Variants in SEMA6D observed in about 807,000 individuals in gnomAD.
SEMA6D encodes semaphorin 6D.
A neutral mutation model predicts 106.6 loss-of-function variants in SEMA6D; 35 were observed. The ratio of observed to expected loss-of-function variants is 0.33; its 90% CI spans 0.25 to 0.44. SEMA6D has a LOEUF of 0.44. Among genes scored for constraint, SEMA6D ranks in the 20% least tolerant of loss-of-function variants. SEMA6D has a pLI of 1.00. For missense variants in SEMA6D, 1,185 were observed against 1,345.9 expected (o/e 0.88, Z 1.87); for synonymous variants, 499 against 487.7 (o/e 1.02, Z -0.31).
At chr15:47,619,292 C>A (rs1471262246) in intron 4 of SEMA6D, among the ~76,000 whole-genome samples, 4 of 152,172 alleles carry the variant, frequency 2.6e-5, no homozygotes, top group African/African-American at 7.2e-5. Context: ...GCATTATATT[C>A]ATCTTCAAAC....
intron 1 of SEMA6D, among the ~76,000 whole-genome samples, chr15:47,283,103 C>T (rs1379175860): frequency 6.6e-6 from 1 of 152,140 alleles, no homozygotes; most frequent in Non-Finnish European, 1.5e-5. Flanking sequence ...AAGCCCTTCA[C>T]AGTGGTTTCC....
intron 1 of SEMA6D, among the ~76,000 whole-genome samples, chr15:47,258,868 T>C (rs759167454): frequency 6.6e-6 from 1 of 152,162 alleles, no homozygotes; most frequent in Non-Finnish European, 1.5e-5. Flanking sequence ...CATTTTATTA[T>C]TTGTTTTCTG....
chr15:47,747,524 T>G (rs1414741563), intron 1 of SEMA6D, among the ~76,000 whole-genome samples: 1 of 152,220 alleles, frequency 6.6e-6, no homozygotes, highest in Admixed American at 6.5e-5. Context: ...TCAGAAAACT[T>G]AAGTCGACAG....
At chr15:47,450,817 C>T (rs375485213) in intron 2 of SEMA6D, among the ~76,000 whole-genome samples, 79 of 152,106 alleles carry the variant, frequency 5.2e-4, no homozygotes, top group African/African-American at 1.8e-3. Context: ...TCTTGGCATT[C>T]AGCCATTGTT....
At chr15:47,334,596 GT>G (rs1294339124) in intron 1 of SEMA6D, among the ~76,000 whole-genome samples, 1 of 152,164 alleles carries the variant, frequency 6.6e-6, no homozygotes, top group Non-Finnish European at 1.5e-5. Context: ...TTATTTTGTT[GT>G]GAGAACACAG....
intron 4 of SEMA6D, among the ~76,000 whole-genome samples, chr15:47,638,595 A>C (rs1469230742): frequency 1.3e-5 from 2 of 152,352 alleles, no homozygotes; most frequent in Non-Finnish European, 2.9e-5. Context: ...AACATCTGTT[A>C]GCTTGTTATT....
chr15:47,553,307 A>G (rs1458759216), intron 3 of SEMA6D, among the ~76,000 whole-genome samples: 1 of 152,058 alleles, frequency 6.6e-6, no homozygotes, highest in East Asian at 1.9e-4. Context: ...TGGAGCTCTA[A>G]AGAACATAAA....
chr15:47,423,884 G>A (rs1038543613), intron 2 of SEMA6D, among the ~76,000 whole-genome samples: 6 of 151,980 alleles, frequency 3.9e-5, no homozygotes, highest in African/African-American at 1.4e-4. Context: ...CTTGCTCAAA[G>A]TACTAAATAA....
Position 47,544,537 on chromosome 15 carries a change from G to A in SEMA6D, c.-86-56328G>A, listed in dbSNP as rs187757488. Among the ~76,000 whole-genome samples, 4 of 152,180 alleles carry A rather than the reference G, an allele frequency of 2.6e-5. No homozygotes were observed. In the East Asian group the frequency reaches 5.8e-4, roughly 22 times the overall value. Reference sequence around the variant, plus strand: ...TATTTTAAAATATGGAAGTATTAGTGCATCAGGCCACTGTAACCCATTAAC... The same window carrying A: ...TATTTTAAAATATGGAAGTATTAGTACATCAGGCCACTGTAACCCATTAAC... On this transcript the variant is annotated intron_variant, in intron 3 of 19. Coordinates refer to the SEMA6D transcript ENST00000558014.
In SEMA6D at chr15:47,405,105, G is replaced by C. The variant is rs540275578; in HGVS notation, c.-238-7288G>C. Among the ~76,000 whole-genome samples the C allele has an allele frequency of 1.5e-4, 23 of 152,202 alleles. No homozygotes were observed. The South Asian group carries it at 4.8e-3, about 32-fold the overall frequency. On this transcript the variant is annotated intron_variant, in intron 1 of 19. Transcript: ENST00000558014. ...TGCAAAGGCAGGGCATATTGGAAGTGTTTCAGGAGATGCGCCATGTAGCAA... is the reference window on the plus strand; with the variant it reads ...TGCAAAGGCAGGGCATATTGGAAGTCTTTCAGGAGATGCGCCATGTAGCAA...
intron 1 of SEMA6D, among the ~76,000 whole-genome samples, chr15:47,268,404 T>C (rs193192057): frequency 2.0e-5 from 3 of 152,258 alleles, no homozygotes; most frequent in African/African-American, 7.2e-5. Flanking sequence ...TCTACCCTCC[T>C]TTGTGCACAC....
intron 1 of SEMA6D, among the ~76,000 whole-genome samples, chr15:47,205,119 T>A (rs936344732): frequency 6.6e-6 from 1 of 152,172 alleles, no homozygotes; most frequent in African/African-American, 2.4e-5. Context: ...CTGAAAAGAA[T>A]CTGAGTTGCA....
rs116925684 is a variant in SEMA6D at position 47,724,209 on chromosome 15, A to T, written c.-55+6517A>T. 1.5e-3 allele frequency among the ~76,000 whole-genome samples: 223 copies of T among 152,378 alleles called. 1 individual carries two copies. Among genetic ancestry groups the T allele is most frequent in the Middle Eastern group, 0.01 (3 of 294 alleles). ...CTACAGAGGGAGAAGAGGAGGCAGA[A>T]GAAGGAATAAAGAATGTTGCAGTTG... is the stretch of plus-strand genomic sequence containing the variant. On this transcript the variant is annotated intron_variant, in intron 1 of 18. Transcript: ENST00000536845.
intron 4 of SEMA6D, among the ~76,000 whole-genome samples, chr15:47,657,809 C>T (rs1387742582): frequency 2.3e-5 from 3 of 128,872 alleles, no homozygotes; most frequent in Middle Eastern, 4.9e-3. Context: ...TGGCAGATCT[C>T]GGCTCACTGC....
intron 1 of SEMA6D, among the ~76,000 whole-genome samples, chr15:47,210,644 A>T (rs542386567): frequency 4.6e-4 from 70 of 151,878 alleles, no homozygotes; most frequent in African/African-American, 1.6e-3. Context: ...ACATGCCTAT[A>T]GTCCCAGCTA....
At chr15:47,760,042 G>C in intron 2 of SEMA6D, 135 bp downstream of exon 2, 1 of 733,298 alleles carries the variant, frequency 1.4e-6, no homozygotes, top group Non-Finnish European at 2.3e-6. Context: ...GAGTTTATCA[G>C]TAATCATTTC....
intron 4 of SEMA6D, among the ~76,000 whole-genome samples, chr15:47,629,008 G>A (rs2077249522): frequency 6.6e-6 from 1 of 151,962 alleles, no homozygotes. Flanking sequence ...TTCCTCCATT[G>A]AGGGAGCACC....
At chr15:47,326,959 G>A (rs147338402) in intron 1 of SEMA6D, among the ~76,000 whole-genome samples, 2 of 152,302 alleles carry the variant, frequency 1.3e-5, no homozygotes, top group African/African-American at 4.8e-5. Context: ...CTAGGAGACT[G>A]TCCTCATTAG....
intron 1 of SEMA6D, among the ~76,000 whole-genome samples, chr15:47,356,303 C>T (rs2038563754): frequency 6.6e-6 from 1 of 152,164 alleles, no homozygotes; most frequent in African/African-American, 2.4e-5. Context: ...ATGAGTAAGA[C>T]AAGAGCTCTC....
Sources: gnomAD v4.1 joint callset for allele counts (sites outside exome capture counted in the v4.1 genomes callset) on GRCh38, gnomAD v4.1.1 for gene constraint, MANE v1.5 for transcripts, NCBI Gene and HGNC (gene_info 2026-07-23, HGNC 2026-07-21) for gene names.